The following ARID5B variants were observed in gnomAD, a reference collection of about 807,000 sequenced individuals.
The protein encoded by ARID5B is AT-rich interaction domain 5B.
Under a neutral mutation model 97.2 loss-of-function variants are expected in ARID5B, and 13 were observed. The observed-to-expected ratio is 0.13, with a 90% confidence interval of 0.09 to 0.21. The LOEUF (loss-of-function observed/expected upper bound fraction) is 0.21. ARID5B is among the 10% of genes least tolerant of loss of function. ARID5B has a pLI of 1.00. For synonymous variants in ARID5B, 556 were observed against 570.3 expected (o/e 0.97, Z 0.36); for missense variants, 1,210 against 1,465.3 (o/e 0.83, Z 2.84).
At chr10:61,964,221 G>A (rs186690198) in intron 3 of ARID5B, among the ~76,000 whole-genome samples, 4 of 152,278 alleles carry the variant, frequency 2.6e-5, no homozygotes, top group East Asian at 1.9e-4. Flanking sequence ...CTGGACTATA[G>A]GGTGTCCAGG....
intron 5 of ARID5B, among the ~76,000 whole-genome samples, chr10:62,054,043 G>T (rs10761602): frequency 0.42 from 64,115 of 152,032 alleles, 15,224 homozygotes; most frequent in Non-Finnish European, 0.56. Flanking sequence ...GGAAGGATGT[G>T]GTTAATATCA....
At chr10:62,018,515 C>T (rs1329248013) in intron 4 of ARID5B, among the ~76,000 whole-genome samples, 1 of 151,340 alleles carries the variant, frequency 6.6e-6, no homozygotes, top group African/African-American at 2.4e-5. Context: ...TTTCCAAAGA[C>T]TGGGTGGGTG....
At chr10:62,022,266 G>T (rs116316422) in intron 4 of ARID5B, among the ~76,000 whole-genome samples, 1,875 of 152,310 alleles carry the variant, frequency 0.012, 46 homozygotes, top group African/African-American at 0.043. Context: ...CACTCTTACT[G>T]TAACCACTGT....
At chr10:61,979,608 T>C (rs915532058) in intron 3 of ARID5B, among the ~76,000 whole-genome samples, 1 of 152,124 alleles carries the variant, frequency 6.6e-6, no homozygotes, top group African/African-American at 2.4e-5. Context: ...CCAGGACCAC[T>C]GCCCTTCCAA....
rs1456259035 is a variant in ARID5B at position 62,092,166 on chromosome 10, G to A, written c.2703G>A (p.Thr901=). The A allele has an allele frequency of 1.2e-6, 2 of 1,608,972 alleles. No homozygotes were observed. Among genetic ancestry groups the A allele is most frequent in the Non-Finnish European group, 1.7e-6 (2 of 1,178,036 alleles). ...DKKSAAAEAP[T]DDQPTDLSLP... ...AGTCGGCGGCAGCAGAAGCCCCTAC[G>A]GATGATCAGCCTACAGATCTGAGCC... The change falls in exon 10 of 10, where the codon ACG becomes ACA. Residue 901 remains threonine, a synonymous_variant. Coordinates refer to ENST00000279873, the MANE Select transcript of ARID5B (RefSeq NM_032199.3).
chr10:62,077,962 A>G (rs928284936), intron 8 of ARID5B, among the ~76,000 whole-genome samples: 3 of 152,258 alleles, frequency 2.0e-5, no homozygotes. Context: ...GTTTACCATT[A>G]AAGTATATTC....
intron 3 of ARID5B, among the ~76,000 whole-genome samples, chr10:61,958,804 G>C (rs552439185): frequency 4.6e-5 from 7 of 152,342 alleles, no homozygotes; most frequent in African/African-American, 1.7e-4. Flanking sequence ...GGTTCATTTT[G>C]AGGTTGTCTG....
rs1216534797 is a variant in ARID5B, at chr10:61,921,883, CT to C, written c.277-18299del. On this transcript the variant is annotated intron_variant, in intron 2 of 9. Transcript: ENST00000279873. ...TTGAGACAGAGTCTCACTCTGTCAC[CT>C]GGGTCGGAGTGCAGTAGTGTGACCA... Among the ~76,000 whole-genome samples, 7 of 151,952 alleles carry C rather than the reference CT, an allele frequency of 4.6e-5. No individual in the cohort carries two copies. The East Asian group carries it at 1.2e-3, about 25-fold the overall frequency.
intron 4 of ARID5B, chr10:62,049,134 C>CA (rs1839750789): frequency 8.5e-7 from 1 of 1,173,818 alleles, no homozygotes; most frequent in Non-Finnish European, 1.1e-6. Context: ...CGTGCTCTGA[C>CA]AAGGAGAGCA....
chr10:61,972,188 T>A (rs1333068979), intron 3 of ARID5B, among the ~76,000 whole-genome samples: 1 of 151,892 alleles, frequency 6.6e-6, no homozygotes, highest in African/African-American at 2.4e-5. Context: ...GGATATTAAT[T>A]TTTAACATTA....
Position 62,059,314 on chromosome 10 carries a change from T to TA in ARID5B, c.1101+22dup, listed in dbSNP as rs765941065. The TA allele has an allele frequency of 7.5e-5, 120 of 1,606,326 alleles. 1 individual carries two copies. In the Admixed American group the frequency reaches 2.0e-3, roughly 26 times the overall value. ...TGAAACAGTAAGTGTTTAAGCAACTTAAATGAAATAATTTTGCAATCTAAC... is the reference window on the plus strand; with the variant it reads ...TGAAACAGTAAGTGTTTAAGCAACTTAAAATGAAATAATTTTGCAATCTAAC... On this transcript the variant is annotated intron_variant, in intron 7 of 9. Transcript: ENST00000279873.
chr10:62,010,258 G>A (rs748518826), intron 4 of ARID5B, among the ~76,000 whole-genome samples: 1 of 152,198 alleles, frequency 6.6e-6, no homozygotes, highest in Non-Finnish European at 1.5e-5. Context: ...TTAATGGGCT[G>A]CTTCTAGGCT....
At chr10:61,910,597 T>C (rs962096107) in intron 2 of ARID5B, among the ~76,000 whole-genome samples, 6 of 152,220 alleles carry the variant, frequency 3.9e-5, no homozygotes, top group African/African-American at 1.4e-4. Flanking sequence ...GATGAGAACC[T>C]TGGTCTTAGC....
chr10:62,033,026 T>A (rs1478326162), intron 4 of ARID5B, among the ~76,000 whole-genome samples: 1 of 152,212 alleles, frequency 6.6e-6, no homozygotes, highest in African/African-American at 2.4e-5. Flanking sequence ...TTGTCTATAC[T>A]GGGAACCCTA....
intron 3 of ARID5B, among the ~76,000 whole-genome samples, chr10:61,951,994 A>G (rs990301196): frequency 2.0e-5 from 3 of 152,188 alleles, no homozygotes; most frequent in African/African-American, 4.8e-5. Context: ...CAAACTTTAT[A>G]AAACTCTTGT....
intron 3 of ARID5B, among the ~76,000 whole-genome samples, chr10:61,998,579 A>C (rs1423137004): frequency 5.9e-5 from 9 of 152,218 alleles, no homozygotes; most frequent in Admixed American, 5.2e-4. Flanking sequence ...TTTACAAATG[A>C]GCACAAAATA....
intron 6 of ARID5B, 76 bp downstream of exon 6, chr10:62,057,394 C>T: frequency 1.4e-6 from 2 of 1,422,090 alleles, no homozygotes; most frequent in Non-Finnish European, 2.0e-6. Flanking sequence ...AATTTTGACT[C>T]AGGATTATGT....
In ARID5B at chr10:61,937,496, A is replaced by G. The variant is rs1055761953; in HGVS notation, c.277-2687A>G. Among the ~76,000 whole-genome samples the G allele has an allele frequency of 5.3e-5, 8 of 152,236 alleles. No homozygotes were observed. The East Asian group carries it at 1.5e-3, about 29-fold the overall frequency. On this transcript the variant is annotated intron_variant, in intron 2 of 9. Coordinates refer to ENST00000279873, the MANE Select transcript of ARID5B (RefSeq NM_032199.3). ...GTTTAAAACAATGACGAAAGGGGAT[A>G]AGGACTTAGAACGTGGCTCAACACA...
chr10:62,032,892 TCTC>T (rs1839515326), intron 4 of ARID5B, among the ~76,000 whole-genome samples: 1 of 152,092 alleles, frequency 6.6e-6, no homozygotes, highest in African/African-American at 2.4e-5. Context: ...TAGAATTTGG[TCTC>T]CTATTTTGCC....
Sources: allele counts gnomAD v4.1 joint callset (sites outside exome capture counted in the v4.1 genomes callset), GRCh38; gene constraint gnomAD v4.1.1; transcripts MANE v1.5; gene names NCBI Gene and HGNC (gene_info 2026-07-23, HGNC 2026-07-21).